The following PARD3B variants were observed in gnomAD, a reference collection of about 807,000 sequenced individuals.
PARD3B encodes partitioning defective 3 homolog B.
Under a neutral mutation model 130.2 loss-of-function variants are expected in PARD3B, and 103 were observed. The observed-to-expected ratio is 0.79, with a 90% CI of 0.67 to 0.93. The LOEUF (loss-of-function observed/expected upper bound fraction) is 0.93. Among genes scored for constraint, PARD3B ranks in the 40% least tolerant of loss-of-function variants. PARD3B has a pLI of 0.00. For missense variants in PARD3B, 1,609 were observed against 1,499.2 expected (o/e 1.07, Z -1.21); for synonymous variants, 583 against 553.2 (o/e 1.05, Z -0.76).
At chr2:204,947,630 G>T (rs1310045287) in intron 2 of PARD3B, among the ~76,000 whole-genome samples, 1 of 128,608 alleles carries the variant, frequency 7.8e-6, no homozygotes, top group Non-Finnish European at 1.6e-5. Flanking sequence ...CTAGCCACAT[G>T]TCTCTAGAAA....
chr2:205,295,082 A>T, intron 16 of PARD3B, among the ~76,000 whole-genome samples: 1 of 41,596 alleles, frequency 2.4e-5, no homozygotes, highest in South Asian at 1.2e-3. Context: ...AAATCTACTT[A>T]AAAAATCAAA....
At chr2:204,728,210 A>G (rs2039326702) in intron 2 of PARD3B, among the ~76,000 whole-genome samples, 1 of 152,048 alleles carries the variant, frequency 6.6e-6, no homozygotes, top group South Asian at 2.1e-4. Context: ...TTTCATTTTT[A>G]TTTCTCAATC....
At chr2:204,586,974 C>A (rs920992700) in intron 1 of PARD3B, among the ~76,000 whole-genome samples, 14 of 152,086 alleles carry the variant, frequency 9.2e-5, no homozygotes, top group Non-Finnish European at 1.9e-4. Context: ...CTAATGATTT[C>A]TTCTTGTGGA....
chr2:205,174,927 G>C (rs1182730501), intron 12 of PARD3B, among the ~76,000 whole-genome samples: 3 of 152,172 alleles, frequency 2.0e-5, no homozygotes, highest in Non-Finnish European at 4.4e-5. Context: ...AGGTTCAATT[G>C]TAATTCTATT....
In PARD3B at chr2:204,719,341, A is replaced by G. The variant is rs574079807; in HGVS notation, c.222+33059A>G. Among the ~76,000 whole-genome samples, 20 of 152,358 alleles carry G rather than the reference A, an allele frequency of 1.3e-4. No homozygotes were observed. In the South Asian group the frequency reaches 4.1e-3, roughly 32 times the overall value. ...TGGATTAGCAAACAGTTGAGGAATT[A>G]GGGCCAAATGCCTTCAAATGCTTGT... is the stretch of plus-strand genomic sequence containing the variant. On this transcript the variant is annotated intron_variant, in intron 2 of 22. Coordinates refer to ENST00000406610, the MANE Select transcript of PARD3B (RefSeq NM_001302769.2).
chr2:204,859,204 T>G (rs1365717370), intron 2 of PARD3B, among the ~76,000 whole-genome samples: 1 of 152,176 alleles, frequency 6.6e-6, no homozygotes, highest in African/African-American at 2.4e-5. Flanking sequence ...ATGATAGGTA[T>G]GATGAAATTT....
chr2:205,104,495 AG>A lies in PARD3B; in HGVS notation c.575del (p.Arg192LysfsTer6). 1 of 1,567,188 alleles carries A rather than the reference AG, an allele frequency of 6.4e-7. No individual in the cohort carries two copies. Among genetic ancestry groups the A allele is most frequent in the Non-Finnish European group, 8.8e-7 (1 of 1,137,538 alleles). ...ACAGACAGAACTACTAACTTCGCCA[AG>A]AACTAAGGACACATTGAGGTATTCT... ...GVQTELLTSPRTKDTLSDMTR... is the reference protein window; with the variant it reads ...GVQTELLTSPXTKDTLSDMTR... On this transcript the variant is annotated frameshift_variant, in exon 5 of 23. Coordinates refer to ENST00000406610, the MANE Select transcript of PARD3B (RefSeq NM_001302769.2). LOFTEE classifies it high-confidence loss of function.
In PARD3B at chr2:205,332,094, G is replaced by T. The variant is rs1220515819; in HGVS notation, c.2630+30393G>T. Reference sequence around the variant, plus strand: ...TACTCTAGCCAGGGTGACAGTGCCAGACTCGGTCTCAAAAAAAAGAAAAAC... The same window carrying T: ...TACTCTAGCCAGGGTGACAGTGCCATACTCGGTCTCAAAAAAAAGAAAAAC... On this transcript the variant is annotated intron_variant, in intron 18 of 22. Coordinates refer to ENST00000406610, the MANE Select transcript of PARD3B (RefSeq NM_001302769.2). Among the ~76,000 whole-genome samples, 4 of 152,048 alleles carry T rather than the reference G, an allele frequency of 2.6e-5. No homozygotes were observed. In the East Asian group the frequency reaches 7.7e-4, roughly 29 times the overall value.
At chr2:205,045,259 A>G (rs1284352084) in intron 3 of PARD3B, among the ~76,000 whole-genome samples, 1 of 150,212 alleles carries the variant, frequency 6.7e-6, no homozygotes, top group Non-Finnish European at 1.5e-5. Context: ...TATTATTACT[A>G]TTATTTTGAG....
chr2:205,351,104 T>G lies in PARD3B; in HGVS notation c.2630+49403T>G, dbSNP rs698911. 0.2 allele frequency among the ~76,000 whole-genome samples: 30,433 copies of G among 152,162 alleles called. 3,973 individuals are homozygous for G. Among genetic ancestry groups the G allele is most frequent in the African/African-American group, 0.38 (15,566 of 41,494 alleles). ...CAAATTAAGTGAAATTCTCTTGATA[T>G]TTTTTCAAAAGGTGAATATTTTCTG... On this transcript the variant is annotated intron_variant, in intron 18 of 22. Transcript: ENST00000406610. The surrounding 1 kb of genome is among the most constrained non-coding windows in gnomAD (Gnocchi z 4.2).
chr2:205,157,187 T>C (rs1371890026), intron 10 of PARD3B, among the ~76,000 whole-genome samples: 3 of 152,170 alleles, frequency 2.0e-5, no homozygotes, highest in African/African-American at 7.2e-5. Context: ...CCTGGAAACA[T>C]AAATGGTTTT....
chr2:205,254,736 T>A (rs1395877775), intron 16 of PARD3B, among the ~76,000 whole-genome samples: 1 of 151,090 alleles, frequency 6.6e-6, no homozygotes, highest in Non-Finnish European at 1.5e-5. Flanking sequence ...CGATCTCGGC[T>A]CACTGCAGGC....
chr2:205,500,056 G>T (rs545352518), intron 21 of PARD3B, 25 bp downstream of exon 21: 5 of 1,609,532 alleles, frequency 3.1e-6, no homozygotes, highest in Non-Finnish European at 2.5e-6. Flanking sequence ...GATTTCAATC[G>T]TTGAATTCAT....
At chr2:204,726,500 C>T (rs1292156353) in intron 2 of PARD3B, among the ~76,000 whole-genome samples, 4 of 152,104 alleles carry the variant, frequency 2.6e-5, no homozygotes, top group African/African-American at 9.7e-5. Flanking sequence ...TCAATGTTGG[C>T]GTCAAGGGTG....
chr2:205,036,740 AAAAT>A, intron 3 of PARD3B, among the ~76,000 whole-genome samples: 1 of 148,134 alleles, frequency 6.8e-6, no homozygotes, highest in Non-Finnish European at 1.5e-5. Context: ...GTATGTACAA[AAAAT>A]ATATATACAC....
At chr2:204,553,640 TTA>T (rs1192048184) in intron 1 of PARD3B, among the ~76,000 whole-genome samples, 1 of 77,718 alleles carries the variant, frequency 1.3e-5, no homozygotes, top group Non-Finnish European at 2.5e-5. Flanking sequence ...GGATATATAT[TTA>T]TATATATCCA....
At chr2:204,638,328 G>A (rs1197736508) in intron 1 of PARD3B, among the ~76,000 whole-genome samples, 4 of 152,264 alleles carry the variant, frequency 2.6e-5, no homozygotes, top group South Asian at 2.1e-4. Flanking sequence ...TTATTAAAGC[G>A]ATTTCATAGA....
At position 205,127,805 on chromosome 2, in the gene PARD3B, A is replaced by G. The variant is rs985745818; in HGVS notation, c.1434+2068A>G. ...CCTCTACTTGACTCCTCCATACCCA[A>G]CCATTTGAAAGGTAGAATCCTGAAT... On this transcript the variant is annotated intron_variant, in intron 10 of 22. Transcript: ENST00000406610. 2.6e-5 allele frequency among the ~76,000 whole-genome samples: 4 copies of G among 152,254 alleles called. No homozygotes were observed. In the South Asian group the frequency reaches 6.2e-4, roughly 24 times the overall value.
chr2:205,037,689 ATG>A (rs955166747), intron 3 of PARD3B, among the ~76,000 whole-genome samples: 2 of 145,684 alleles, frequency 1.4e-5, no homozygotes, highest in Non-Finnish European at 3.0e-5. Flanking sequence ...ATATATATAT[ATG>A]ATATATCTCT....
Sources: allele counts gnomAD v4.1 joint callset (sites outside exome capture counted in the v4.1 genomes callset), GRCh38; gene constraint gnomAD v4.1.1; non-coding constraint Gnocchi (gnomAD v3.1); transcripts MANE v1.5; gene names NCBI Gene and HGNC (gene_info 2026-07-23, HGNC 2026-07-21).